MYBPC2: variants seen among roughly 807,000 people sequenced by gnomAD.
MYBPC2 encodes myosin binding protein C2.
A neutral mutation model predicts 137.0 loss-of-function variants in MYBPC2; 122 were observed. The ratio of observed to expected loss-of-function variants is 0.89; its 90% CI spans 0.77 to 1.03. MYBPC2 has a LOEUF of 1.03. Ranked by LOEUF, MYBPC2 falls within the 50% of genes least tolerant of loss-of-function variation. The pLI, the probability that MYBPC2 is intolerant of heterozygous loss-of-function variation, is 0.00. For synonymous variants in MYBPC2, 626 were observed against 612.3 expected (o/e 1.02, Z -0.33); for missense variants, 1,500 against 1,534.4 (o/e 0.98, Z 0.37).
intron 14 of MYBPC2, 41 bp downstream of exon 14, chr19:50,450,976 C>T (rs1361955340): frequency 6.6e-7 from 1 of 1,525,228 alleles, no homozygotes; most frequent in Admixed American, 2.0e-5. Flanking sequence ...GCTGTAGGAT[C>T]CACCCTCGCA....
chr19:50,458,809 G>A lies in MYBPC2; in HGVS notation c.2506+55G>A. ...AGACCAAGCTGGCGTCGTCCCGCCTGCCCTTTCCGTGTCGTCGACAGGACC... is the reference window on the plus strand; with the variant it reads ...AGACCAAGCTGGCGTCGTCCCGCCTACCCTTTCCGTGTCGTCGACAGGACC... On this transcript the variant is annotated intron_variant, in intron 21 of 27. Transcript: ENST00000357701. 3 of 1,601,696 alleles carry A rather than the reference G, an allele frequency of 1.9e-6. No individual in the cohort carries two copies. In the Middle Eastern group the frequency reaches 5.0e-4, roughly 266 times the overall value.
intron 15 of MYBPC2, among the ~76,000 whole-genome samples, chr19:50,451,555 T>TG (rs2039858247): frequency 8.9e-6 from 1 of 112,192 alleles, no homozygotes; most frequent in Non-Finnish European, 1.8e-5. Context: ...GAAGAGGGAT[T>TG]GGGGACCTGG....
At chr19:50,456,081 C>T (rs2039908123) in intron 20 of MYBPC2, among the ~76,000 whole-genome samples, 1 of 144,408 alleles carries the variant, frequency 6.9e-6, no homozygotes. Flanking sequence ...TTCATCTTAC[C>T]GTCCATCCAT....
chr19:50,446,174 G>A, intron 12 of MYBPC2, 122 bp downstream of exon 12: 1 of 1,207,912 alleles, frequency 8.3e-7, no homozygotes, highest in Non-Finnish European at 1.1e-6. Flanking sequence ...CACACCCTAT[G>A]TTCAGCCCAC....
chr19:50,441,201 C>T, intron 8 of MYBPC2, 125 bp downstream of exon 8: 1 of 1,067,434 alleles, frequency 9.4e-7, no homozygotes, highest in Non-Finnish European at 1.3e-6. Flanking sequence ...CAAGACCCAA[C>T]TCTAGCGGTG....
At position 50,464,627 on chromosome 19, in the gene MYBPC2, G is replaced by C. The variant is rs559852059; in HGVS notation, c.3415+95G>C. On this transcript the variant is annotated intron_variant, in intron 27 of 27. Transcript: ENST00000357701. ...CCGGGCTGAGCACCGCTGAGATCTG[G>C]AGACGAGTGAGACCAGCCCTCTGGG... The C allele has an allele frequency of 9.9e-6, 13 of 1,311,636 alleles. No homozygotes were observed. The East Asian group carries it at 3.3e-4, about 34-fold the overall frequency. 81.2% of individuals were successfully genotyped at this position (1,311,636 alleles called of 1,614,324 possible).
At chr19:50,437,156 T>C (rs1181044194) in intron 5 of MYBPC2, among the ~76,000 whole-genome samples, 2 of 150,954 alleles carry the variant, frequency 1.3e-5, no homozygotes, top group African/African-American at 4.9e-5. Flanking sequence ...GCTCTGGGGG[T>C]CTGCAGCCCA....
intron 16 of MYBPC2, among the ~76,000 whole-genome samples, chr19:50,453,188 G>T (rs2039876666): frequency 6.6e-6 from 1 of 151,976 alleles, no homozygotes; most frequent in Non-Finnish European, 1.5e-5. Context: ...TCCTGGGCTT[G>T]GGTGGCACTC....
chr19:50,445,410 T>C (rs1227656847), intron 11 of MYBPC2, among the ~76,000 whole-genome samples: 2 of 150,648 alleles, frequency 1.3e-5, no homozygotes. Context: ...TTTTTTTTTT[T>C]GAGACAGAGT....
rs770608151 is a variant in MYBPC2, at chr19:50,443,768, G to T, written c.1085G>T (p.Arg362Leu). 1.2e-6 allele frequency: 2 copies of T among 1,613,890 alleles called. No individual in the cohort carries two copies. Among genetic ancestry groups the T allele is most frequent in the South Asian group, 2.2e-5 (2 of 91,060 alleles). The change falls in exon 11 of 28, where the codon CGG becomes CTG. Residue 362 changes from arginine (R) to leucine (L), a missense_variant. Coordinates refer to ENST00000357701, the MANE Select transcript of MYBPC2 (RefSeq NM_004533.4). ...GACCAGCAGGTGTTTGTGGGTGACCGGGTGGAAATGGCAGTGGAGGTGTCA... is the reference window on the plus strand; with the variant it reads ...GACCAGCAGGTGTTTGTGGGTGACCTGGTGGAAATGGCAGTGGAGGTGTCA... The part of the protein sequence containing the change: ...LEDQQVFVGD[R>L]VEMAVEVSEE...
rs750155277 is a variant in MYBPC2, at chr19:50,455,205, C to A, written c.2112C>A (p.Ile704=). 2 of 1,613,802 alleles carry A rather than the reference C, an allele frequency of 1.2e-6. No homozygotes were observed. Among genetic ancestry groups the A allele is most frequent in the South Asian group, 2.2e-5 (2 of 91,080 alleles). ...CCACCTATGAGTCCACCAAGATGATCGAGGGCATCCTCTATGAGATGCGTG... is the reference window on the plus strand; with the variant it reads ...CCACCTATGAGTCCACCAAGATGATAGAGGGCATCCTCTATGAGATGCGTG... The part of the protein sequence containing the change: ...TETTYESTKM[I]EGILYEMRVF... The change falls in exon 19 of 28, where the codon ATC becomes ATA. Residue 704 remains isoleucine, a synonymous_variant. Transcript: ENST00000357701.
At chr19:50,453,968 G>T in intron 16 of MYBPC2, 52 bp from the exon 17 acceptor site, 3 of 1,537,132 alleles carry the variant, frequency 2.0e-6, no homozygotes, top group Non-Finnish European at 2.6e-6. Context: ...GGCAGGCCTG[G>T]GTTTGCTTGG....
Position 50,454,173 on chromosome 19 carries a change from G to A in MYBPC2, c.1903G>A (p.Val635Ile). 1 of 1,613,944 alleles carries A rather than the reference G, an allele frequency of 6.2e-7. No individual in the cohort carries two copies. The highest frequency in any genetic ancestry group is 8.5e-7 in the Non-Finnish European group (1 of 1,179,884). Residue 635 changes from valine to isoleucine, a missense_variant, in exon 17 of 28, where the codon GTT becomes ATT. Val to Ile is a conservative substitution (Grantham distance 29). Coordinates refer to ENST00000357701, the MANE Select transcript of MYBPC2 (RefSeq NM_004533.4). ...GEDVASIFLQ[V>I]VDVPDPPEAV... is the part of the protein sequence containing the mutation. Reference sequence around the variant, plus strand: ...GGACGTGGCTTCCATCTTCCTGCAAGTTGTAGGTGAGCAGAGAAAGCCGAG... The same window carrying A: ...GGACGTGGCTTCCATCTTCCTGCAAATTGTAGGTGAGCAGAGAAAGCCGAG...
rs2039972708 is a variant in MYBPC2, at chr19:50,461,649, G to C, written c.3039G>C (p.Gly1013=). The C allele has an allele frequency of 6.2e-7, 1 of 1,613,264 alleles. No homozygotes were observed. Residue 1013 remains glycine, a synonymous_variant, in exon 25 of 28, where the codon GGG becomes GGC. Coordinates refer to ENST00000357701, the MANE Select transcript of MYBPC2 (RefSeq NM_004533.4). The part of the protein sequence containing the change: ...YFRVYTENIC[G]LSDSPGVSKN... Reference sequence around the variant, plus strand: ...GAGTTTACACCGAGAACATCTGTGGGCTCAGTGACTCACCTGGTGTCTCCA... The same window carrying C: ...GAGTTTACACCGAGAACATCTGTGGCCTCAGTGACTCACCTGGTGTCTCCA...
intron 7 of MYBPC2, among the ~76,000 whole-genome samples, chr19:50,438,061 C>T (rs1263245747): frequency 6.7e-6 from 1 of 149,998 alleles, no homozygotes; most frequent in East Asian, 1.9e-4. Context: ...CTCACCCTCC[C>T]ATCCATCCAT....
Position 50,458,765 on chromosome 19 carries a change from C to G in MYBPC2, c.2506+11C>G, listed in dbSNP as rs771700436. ...TCAGGGAGATTGCGGGTGCGTGGCC[C>G]CTGACCCTGCGCTCCGAAAGACCAA... is the stretch of plus-strand genomic sequence containing the variant. On this transcript the variant is annotated intron_variant, in intron 21 of 27. Coordinates refer to ENST00000357701, the MANE Select transcript of MYBPC2 (RefSeq NM_004533.4). 1.2e-6 allele frequency: 2 copies of G among 1,606,436 alleles called. No individual in the cohort carries two copies. Among genetic ancestry groups the G allele is most frequent in the East Asian group, 4.5e-5 (2 of 44,868 alleles).
At chr19:50,456,440 T>TTA (rs2039915592) in intron 20 of MYBPC2, among the ~76,000 whole-genome samples, 1 of 150,666 alleles carries the variant, frequency 6.6e-6, no homozygotes, top group Non-Finnish European at 1.5e-5. Context: ...TCTCTCTTTT[T>TTA]TTTTTTTTTT....
chr19:50,437,504 A>G lies in MYBPC2; in HGVS notation c.495A>G (p.Leu165=). ...APRQDASGQS[L]ESFKRTSEKK... is the part of the protein sequence containing the mutation. Reference sequence around the variant, plus strand: ...GTCAGGATGCCTCTGGGCAGAGTCTAGAAAGCTTCAAGCGTACGTAAGTGA... The same window carrying G: ...GTCAGGATGCCTCTGGGCAGAGTCTGGAAAGCTTCAAGCGTACGTAAGTGA... The change falls in exon 6 of 28, where the codon CTA becomes CTG. Residue 165 remains leucine (L), a synonymous_variant. Coordinates refer to ENST00000357701, the MANE Select transcript of MYBPC2 (RefSeq NM_004533.4). The G allele has an allele frequency of 1.2e-6, 2 of 1,611,032 alleles. No homozygotes were observed. Among genetic ancestry groups the G allele is most frequent in the South Asian group, 2.2e-5 (2 of 90,282 alleles).
At chr19:50,458,374 T>TAA (rs760945453) in intron 20 of MYBPC2, among the ~76,000 whole-genome samples, 1 of 143,970 alleles carries the variant, frequency 6.9e-6, no homozygotes, top group Non-Finnish European at 1.5e-5. Context: ...AGACTCCGTT[T>TAA]AAAAAAAAAA....
Sources: gnomAD v4.1 joint callset for allele counts (sites outside exome capture counted in the v4.1 genomes callset) on GRCh38, gnomAD v4.1.1 for gene constraint, MANE v1.5 for transcripts, NCBI Gene and HGNC (gene_info 2026-07-23, HGNC 2026-07-21) for gene names.